Variants in CPXM2 observed in about 807,000 individuals in gnomAD.
CPXM2 encodes inactive carboxypeptidase-like protein X2.
CPXM2 carries 66 observed loss-of-function variants against 86.1 expected under a neutral mutation model. The ratio of observed to expected loss-of-function variants is 0.77; its 90% CI spans 0.63 to 0.94. The LOEUF (loss-of-function observed/expected upper bound fraction) is 0.94. Ranked by LOEUF, CPXM2 falls within the 40% of genes least tolerant of loss-of-function variation. The pLI is 0.00. For missense variants in CPXM2, 948 were observed against 1,026.3 expected (o/e 0.92, Z 1.04); for synonymous variants, 388 against 400.2 (o/e 0.97, Z 0.36).
At chr10:123,871,035 A>C (rs1410395997) in intron 2 of CPXM2, among the ~76,000 whole-genome samples, 1 of 152,226 alleles carries the variant, frequency 6.6e-6, no homozygotes, top group Non-Finnish European at 1.5e-5. Flanking sequence ...GTTCCAGCCC[A>C]TGCTGGCTAC....
At chr10:123,868,452 A>G (rs1025221843) in intron 2 of CPXM2, among the ~76,000 whole-genome samples, 1 of 152,196 alleles carries the variant, frequency 6.6e-6, no homozygotes, top group Admixed American at 6.5e-5. Flanking sequence ...CAGAGACGGC[A>G]GAAAGGAGAC....
upstream of CPXM2, among the ~76,000 whole-genome samples, chr10:123,892,828 C>T (rs540807575): frequency 4.6e-5 from 7 of 152,334 alleles, no homozygotes; most frequent in Non-Finnish European, 1.0e-4. Context: ...GGCTGAGGCG[C>T]CTTTCCTCCT....
chr10:123,861,306 A>G (rs1848844284), intron 3 of CPXM2, among the ~76,000 whole-genome samples: 1 of 152,214 alleles, frequency 6.6e-6, no homozygotes, highest in South Asian at 2.1e-4. Flanking sequence ...GAAGAGCTAT[A>G]GAAAGAAAAC....
chr10:123,814,181 G>A (rs1280661667), intron 4 of CPXM2, among the ~76,000 whole-genome samples: 7 of 152,196 alleles, frequency 4.6e-5, no homozygotes, highest in Non-Finnish European at 8.8e-5. Flanking sequence ...GCATGTCTGT[G>A]AGGGTATTGC....
intron 2 of CPXM2, among the ~76,000 whole-genome samples, chr10:123,925,128 C>T (rs1202863699): frequency 6.9e-6 from 1 of 144,240 alleles, no homozygotes; most frequent in Non-Finnish European, 1.5e-5. Context: ...TATATATTCA[C>T]AGAGGGGTGG....
At chr10:123,834,942 C>T (rs1848248897) in intron 4 of CPXM2, among the ~76,000 whole-genome samples, 1 of 152,222 alleles carries the variant, frequency 6.6e-6, no homozygotes, top group African/African-American at 2.4e-5. Context: ...TCTGCACACA[C>T]AAGCTCCCCT....
intron 13 of CPXM2, among the ~76,000 whole-genome samples, chr10:123,751,289 C>T (rs911648563): frequency 3.3e-5 from 5 of 152,092 alleles, no homozygotes; most frequent in Non-Finnish European, 7.4e-5. Context: ...CATTGTCGAC[C>T]CCCCGAGTAG....
chr10:123,828,655 G>A (rs1319064255), intron 4 of CPXM2, among the ~76,000 whole-genome samples: 1 of 152,160 alleles, frequency 6.6e-6, no homozygotes, highest in Non-Finnish European at 1.5e-5. Flanking sequence ...GTCTTTATCA[G>A]CAGCATGAAA....
chr10:123,761,829 C>A (rs372251330), intron 11 of CPXM2, 43 bp downstream of exon 11: 213 of 1,580,202 alleles, frequency 1.3e-4, no homozygotes, highest in Non-Finnish European at 1.7e-4. Flanking sequence ...CCTGCAGCGT[C>A]CTCCTGCGCC....
chr10:123,889,791 C>G (rs1174559174), intron 1 of CPXM2, among the ~76,000 whole-genome samples: 1 of 152,148 alleles, frequency 6.6e-6, no homozygotes, highest in Non-Finnish European at 1.5e-5. Flanking sequence ...AGTCTTCAGA[C>G]TCCCAGTCTG....
At chr10:123,832,244 C>T (rs763142827) in intron 4 of CPXM2, among the ~76,000 whole-genome samples, 18 of 152,160 alleles carry the variant, frequency 1.2e-4, no homozygotes, top group African/African-American at 2.4e-4. Flanking sequence ...TGCATCTGAA[C>T]GGTAAGTCAG....
At chr10:123,808,713 T>A (rs1847631235) in intron 4 of CPXM2, among the ~76,000 whole-genome samples, 1 of 152,102 alleles carries the variant, frequency 6.6e-6, no homozygotes, top group Non-Finnish European at 1.5e-5. Flanking sequence ...ATACAATTTT[T>A]AAAAAATCAT....
At chr10:123,886,463 T>A (rs1192483038) in intron 1 of CPXM2, among the ~76,000 whole-genome samples, 1 of 152,182 alleles carries the variant, frequency 6.6e-6, no homozygotes, top group Non-Finnish European at 1.5e-5. Flanking sequence ...AACTCTTTGG[T>A]TATTTCCCCC....
intron 6 of CPXM2, among the ~76,000 whole-genome samples, chr10:123,795,975 C>T (rs770878087): frequency 1.3e-5 from 2 of 152,122 alleles, no homozygotes; most frequent in Non-Finnish European, 2.9e-5. Flanking sequence ...AGCAAGCAGA[C>T]CAAGGCTGTG....
intron 2 of CPXM2, among the ~76,000 whole-genome samples, chr10:123,879,694 T>C (rs1945049574): frequency 6.6e-6 from 1 of 152,188 alleles, no homozygotes; most frequent in African/African-American, 2.4e-5. Flanking sequence ...GGGCCAGAGA[T>C]TGTTCATGAG....
At chr10:123,906,238 C>T (rs553290201) in intron 2 of CPXM2, among the ~76,000 whole-genome samples, 3 of 152,324 alleles carry the variant, frequency 2.0e-5, no homozygotes, top group South Asian at 4.1e-4. Context: ...GTTCTTTAAC[C>T]TTACTGAGCC....
At chr10:123,854,032 G>T (rs919873149) in intron 3 of CPXM2, among the ~76,000 whole-genome samples, 5 of 151,552 alleles carry the variant, frequency 3.3e-5, no homozygotes, top group Admixed American at 1.3e-4. Flanking sequence ...TGTCCTTGAA[G>T]CACTAACACA....
intron 2 of CPXM2, among the ~76,000 whole-genome samples, chr10:123,924,366 C>T (rs778540819): frequency 6.6e-5 from 10 of 152,220 alleles, no homozygotes; most frequent in Non-Finnish European, 1.2e-4. Flanking sequence ...CCATGACCCT[C>T]TCCTTAGGTT....
chr10:123,843,348 C>A (rs964987775), intron 3 of CPXM2: 2 of 439,602 alleles, frequency 4.5e-6, no homozygotes, highest in Non-Finnish European at 9.0e-6. Context: ...TTCCCTGACT[C>A]CTCGCCTCCC....
Sources: gnomAD v4.1 joint callset for allele counts (sites outside exome capture counted in the v4.1 genomes callset) on GRCh38, gnomAD v4.1.1 for gene constraint, MANE v1.5 for transcripts, NCBI Gene and HGNC (gene_info 2026-07-23, HGNC 2026-07-21) for gene names.